Variants in YTHDC2 observed in about 807,000 individuals in gnomAD.
The protein encoded by YTHDC2 is YTH N6-methyladenosine RNA binding protein C2, also known as 3'-5' RNA helicase YTHDC2.
Under a neutral mutation model 174.9 loss-of-function variants are expected in YTHDC2, and 45 were observed. The ratio of observed to expected loss-of-function variants is 0.26; its 90% CI spans 0.20 to 0.33. The LOEUF is 0.33. YTHDC2 is among the 10% of genes least tolerant of loss of function. YTHDC2 has a pLI of 1.00. For missense variants in YTHDC2, 1,650 were observed against 1,723.7 expected (o/e 0.96, Z 0.76); for synonymous variants, 657 against 574.5 (o/e 1.14, Z -2.05).
At chr5:113,539,256 G>A in intron 8 of YTHDC2, 75 bp downstream of exon 8, 1 of 568,116 alleles carries the variant, frequency 1.8e-6, no homozygotes, top group Non-Finnish European at 2.9e-6. Flanking sequence ...TCCTTACATT[G>A]TGGAGGTACA....
rs778484429 is a variant in YTHDC2 at position 113,564,019 on chromosome 5, A to T, written c.2603A>T (p.Asp868Val). The T allele has an allele frequency of 6.2e-7, 1 of 1,614,038 alleles. No homozygotes were observed. The change falls in exon 20 of 30, where the codon GAT (aspartate) becomes GTT (valine). Residue 868 changes from aspartate to valine, a missense_variant. Asp to Val is a radical substitution (Grantham distance 152, BLOSUM62 -3). This residue lies in a region of YTHDC2 where 913 missense variants were observed against 940.4 expected (regional missense o/e 0.97). Transcript: ENST00000161863. Reference protein sequence around the residue: ...LTIACTLAYRDPFVLPTQASQ... With the variant: ...LTIACTLAYRVPFVLPTQASQ... ...ATTGCTTGCACACTAGCTTATCGAG[A>T]TCCTTTTGTACTACCTACTCAGGCC...
intron 28 of YTHDC2, chr5:113,593,102 T>A: frequency 2.6e-6 from 1 of 384,496 alleles, no homozygotes. Flanking sequence ...GCAGATTAAC[T>A]GTAATCTTAA....
intron 24 of YTHDC2, chr5:113,579,944 A>G (rs531270998): frequency 4.1e-6 from 4 of 981,908 alleles, no homozygotes; most frequent in African/African-American, 1.7e-5. Flanking sequence ...TGTTGCTGCT[A>G]TAGTAATTTA....
intron 12 of YTHDC2, among the ~76,000 whole-genome samples, chr5:113,552,038 G>A (rs1276035165): frequency 6.6e-6 from 1 of 152,074 alleles, no homozygotes; most frequent in Non-Finnish European, 1.5e-5. Flanking sequence ...TAACAGTCAT[G>A]TTAAGTTGGT....
intron 20 of YTHDC2, chr5:113,565,682 T>G (rs3763140): frequency 2.3e-6 from 1 of 426,606 alleles, no homozygotes. Context: ...CTTAGTTCTC[T>G]TTGCGATTTT....
chr5:113,583,392 T>G (rs1778506371), intron 25 of YTHDC2: 1 of 152,200 alleles, frequency 6.6e-6, no homozygotes, highest in Non-Finnish European at 1.5e-5. Context: ...ACTAGGTCAG[T>G]GGTACTGTGA....
chr5:113,589,425 A>ATATATATATG (rs1778889677), intron 26 of YTHDC2, among the ~76,000 whole-genome samples: 1 of 142,884 alleles, frequency 7.0e-6, no homozygotes, highest in African/African-American at 2.6e-5. Context: ...ATATATATAT[A>ATATATATATG]TATATATGTA....
chr5:113,547,413 A>C (rs984891408), intron 10 of YTHDC2, among the ~76,000 whole-genome samples: 16 of 152,338 alleles, frequency 1.1e-4, no homozygotes, highest in African/African-American at 3.8e-4. Context: ...CCCCAAAGCA[A>C]AATAAAAATA....
chr5:113,523,163 T>A (rs897248073), intron 2 of YTHDC2, among the ~76,000 whole-genome samples: 1 of 152,126 alleles, frequency 6.6e-6, no homozygotes, highest in South Asian at 2.1e-4. Flanking sequence ...ATTGAGTGAA[T>A]GAATAAAATA....
At chr5:113,563,717 T>C in intron 19 of YTHDC2, 142 bp from the exon 20 acceptor site, 1 of 1,025,126 alleles carries the variant, frequency 9.8e-7, no homozygotes, top group Non-Finnish European at 1.4e-6. Context: ...TTATATAGTA[T>C]AATAGAAACG....
intron 3 of YTHDC2, among the ~76,000 whole-genome samples, chr5:113,526,329 G>A (rs1774234005): frequency 9.1e-6 from 1 of 110,482 alleles, no homozygotes; most frequent in South Asian, 2.4e-4. Context: ...CCAGAAATAT[G>A]TCTGAGGTTC....
At chr5:113,553,487 A>C in intron 13 of YTHDC2, 103 bp from the exon 14 acceptor site, 1 of 1,437,266 alleles carries the variant, frequency 7.0e-7, no homozygotes, top group East Asian at 2.4e-5. Flanking sequence ...ATCTTATGAT[A>C]GTTTACCAGT....
At chr5:113,581,805 T>C (rs1778419177) in intron 25 of YTHDC2, 96 bp downstream of exon 25, 1 of 1,075,928 alleles carries the variant, frequency 9.3e-7, no homozygotes, top group African/African-American at 1.6e-5. Context: ...ATTTAAAAAT[T>C]ACTTTTTTAT....
chr5:113,524,792 A>G (rs1457756152), intron 2 of YTHDC2, among the ~76,000 whole-genome samples, 189 bp from the exon 3 acceptor site: 2 of 152,092 alleles, frequency 1.3e-5, no homozygotes, highest in Non-Finnish European at 2.9e-5. Flanking sequence ...ATTTTAATTG[A>G]AAATAGTTTT....
intron 10 of YTHDC2, among the ~76,000 whole-genome samples, chr5:113,543,264 G>A (rs1016428190): frequency 6.6e-6 from 1 of 152,050 alleles, no homozygotes; most frequent in Admixed American, 6.6e-5. Flanking sequence ...CCCTCCCTAC[G>A]TACCTTCCTC....
chr5:113,561,530 G>A lies in YTHDC2; in HGVS notation c.2322+345G>A, dbSNP rs183571585. On this transcript the variant is annotated intron_variant, in intron 18 of 29. Coordinates refer to ENST00000161863, the MANE Select transcript of YTHDC2 (RefSeq NM_022828.5). The stretch of plus-strand genomic sequence containing the variant: ...GTTGCCCAGGCTAGAGTGCAGTGGC[G>A]CGATCTCGGCTCACTGCAACCTCCA... 6.4e-3 allele frequency among the ~76,000 whole-genome samples: 958 copies of A among 149,912 alleles called. 6 individuals carry two copies. Among genetic ancestry groups the A allele is most frequent in the African/African-American group, 0.022 (890 of 40,652 alleles).
rs147928136 is a variant in YTHDC2 at position 113,556,466 on chromosome 5, A to G, written c.2216+332A>G. ...AGCTCTTTGAAATCAACTAAAGGCC[A>G]ATAATCCAGTTAAAATGGATAAAGG... On this transcript the variant is annotated intron_variant, in intron 17 of 29. Coordinates refer to ENST00000161863, the MANE Select transcript of YTHDC2 (RefSeq NM_022828.5). The G allele has an allele frequency of 1.5e-3, 261 of 171,892 alleles. 1 individual carries two copies. Among genetic ancestry groups the G allele is most frequent in the African/African-American group, 5.8e-3 (244 of 42,338 alleles). The allele number at this position is 171,892 out of a possible 1,614,324, so 10.6% of individuals were successfully genotyped here. A position where few individuals can be genotyped will look rare whatever the true frequency, so the allele number is the denominator to read the frequency against.
In YTHDC2 at chr5:113,567,758, T is replaced by C. The variant is rs1460865599; in HGVS notation, c.3153T>C (p.Cys1051=). 24 of 1,611,066 alleles carry C rather than the reference T, an allele frequency of 1.5e-5. No homozygotes were observed. Among genetic ancestry groups the C allele is most frequent in the Non-Finnish European group, 2.0e-5 (23 of 1,178,714 alleles). Residue 1051 remains cysteine, a synonymous_variant, in exon 23 of 30, where the codon TGT becomes TGC. Coordinates refer to ENST00000161863, the MANE Select transcript of YTHDC2 (RefSeq NM_022828.5). ...TRAHRIANIR[C]CSAVTPVTIL... ...CCCATAGAATAGCTAATATTAGATGTTGTTCAGCAGTGACGCCTGTCACTA... is the reference window on the plus strand; with the variant it reads ...CCCATAGAATAGCTAATATTAGATGCTGTTCAGCAGTGACGCCTGTCACTA...
chr5:113,581,242 A>G (rs1414647463), intron 24 of YTHDC2, 175 bp from the exon 25 acceptor site: 10 of 547,698 alleles, frequency 1.8e-5, no homozygotes, highest in Admixed American at 4.0e-5. Context: ...TGCCTAAAAT[A>G]TTATAAATAA....
Sources: gnomAD v4.1 joint callset for allele counts (sites outside exome capture counted in the v4.1 genomes callset) on GRCh38, gnomAD v4.1.1 for gene constraint, gnomAD v4.1.1 regional missense constraint, MANE v1.5 for transcripts, NCBI Gene and HGNC (gene_info 2026-07-23, HGNC 2026-07-21) for gene names.